DIP2C: variants seen among roughly 807,000 people sequenced by gnomAD.
The protein encoded by DIP2C is disco-interacting protein 2 homolog C.
Under a neutral mutation model 192.4 loss-of-function variants are expected in DIP2C, and 33 were observed. That is an observed-to-expected ratio of 0.17 (90% CI 0.13 to 0.23). The LOEUF is 0.23. Ranked by LOEUF, DIP2C falls within the 10% of genes least tolerant of loss-of-function variation. The probability of loss-of-function intolerance (pLI) is 1.00; values close to 1 mark genes in which losing one functional copy is unlikely to be tolerated. For missense variants in DIP2C, 1,537 were observed against 2,110.1 expected (o/e 0.73, Z 5.32); for synonymous variants, 979 against 864.1 (o/e 1.13, Z -2.33).
At chr10:495,244 G>A (rs1201543940) in intron 1 of DIP2C, among the ~76,000 whole-genome samples, 1 of 152,102 alleles carries the variant, frequency 6.6e-6, no homozygotes, top group African/African-American at 2.4e-5. Flanking sequence ...GGGAGATGCT[G>A]GTCAAGGGCA....
chr10:484,518 A>C (rs992183164), intron 2 of DIP2C, among the ~76,000 whole-genome samples: 2 of 152,190 alleles, frequency 1.3e-5, no homozygotes, highest in Admixed American at 1.3e-4. Context: ...AGTGTTTTCT[A>C]AGTGGTGCCC....
intron 32 of DIP2C, among the ~76,000 whole-genome samples, chr10:292,605 C>T (rs913484524): frequency 6.6e-6 from 1 of 152,312 alleles, no homozygotes; most frequent in African/African-American, 2.4e-5. Flanking sequence ...CTGATGGCGC[C>T]GTGCAACCGA....
At chr10:471,349 G>T (rs930190694) in intron 3 of DIP2C, among the ~76,000 whole-genome samples, 3 of 152,144 alleles carry the variant, frequency 2.0e-5, no homozygotes, top group Admixed American at 6.5e-5. Flanking sequence ...CTAATCACAT[G>T]AGCCTGCATG....
chr10:390,707 G>A (rs1345123642), intron 11 of DIP2C, 33 bp downstream of exon 11: 4 of 1,604,232 alleles, frequency 2.5e-6, no homozygotes, highest in Non-Finnish European at 3.4e-6. Context: ...AAAGGACGTG[G>A]GCATGCGAGC....
chr10:306,142 C>T lies in DIP2C; in HGVS notation c.3986+3889G>A, dbSNP rs149350862. Among the ~76,000 whole-genome samples the T allele has an allele frequency of 2.6e-3, 403 of 152,116 alleles. 3 individuals are homozygous for T. The highest frequency in any genetic ancestry group is 9.2e-3 in the African/African-American group (381 of 41,486). Reference sequence around the variant, plus strand: ...TTGAACAGTCACTTGCAAATAGTCTCAACACAATTTCATCATTTCCTTCCT... The same window carrying T: ...TTGAACAGTCACTTGCAAATAGTCTTAACACAATTTCATCATTTCCTTCCT... On this transcript the variant is annotated intron_variant, in intron 32 of 36. Transcript: ENST00000280886.
intron 1 of DIP2C, among the ~76,000 whole-genome samples, chr10:514,204 C>G (rs12770258): frequency 0.068 from 9,567 of 141,456 alleles, 409 homozygotes; most frequent in Non-Finnish European, 0.094. Context: ...GAACCACCCC[C>G]CTTCCTTGGG....
intron 19 of DIP2C, 24 bp from the exon 20 acceptor site, chr10:364,606 G>A (rs1298378682): frequency 6.2e-7 from 1 of 1,608,370 alleles, no homozygotes. Context: ...CATCCATCAG[G>A]CCACTGTTCA....
At chr10:606,644 ACT>A (rs1564259943) in intron 1 of DIP2C, among the ~76,000 whole-genome samples, 5 of 151,692 alleles carry the variant, frequency 3.3e-5, no homozygotes, top group African/African-American at 9.7e-5. Flanking sequence ...TCATGGCCCC[ACT>A]GCTGTAATTA....
chr10:592,346 T>C (rs993595595), intron 1 of DIP2C, among the ~76,000 whole-genome samples: 5 of 152,154 alleles, frequency 3.3e-5, no homozygotes, highest in Admixed American at 2.6e-4. Flanking sequence ...ATCACCACAT[T>C]ATCTTCTACA....
chr10:338,759 C>A (rs1957995535), intron 29 of DIP2C, among the ~76,000 whole-genome samples: 1 of 152,156 alleles, frequency 6.6e-6, no homozygotes, highest in African/African-American at 2.4e-5. Context: ...CCACGCTGCA[C>A]CCTGCCTGGC....
intron 1 of DIP2C, among the ~76,000 whole-genome samples, chr10:612,336 T>C (rs1021562100): frequency 1.3e-5 from 2 of 151,914 alleles, no homozygotes; most frequent in African/African-American, 4.8e-5. Context: ...TCTTCACCGA[T>C]GTCAAATATA....
chr10:419,112 C>T lies in DIP2C; in HGVS notation c.692G>A (p.Arg231Gln), dbSNP rs756894472. ...VERPQGSTGS[R>Q]TAPKYGNAEL... ...GGCGTTGCCGTACTTGGGCGCTGTC[C>T]GGGACCCCGTGGAACCCTGCGGTCT... Residue 231 changes from arginine to glutamine, a missense_variant, in exon 6 of 37, where the codon CGG (arginine) becomes CAG (glutamine). Around this residue, in one of 4 missense-constraint regions of DIP2C, gnomAD observed 473 missense variants for 539.6 expected, o/e 0.88. Transcript: ENST00000280886. 31 of 1,614,150 alleles carry T rather than the reference C, an allele frequency of 1.9e-5. No homozygotes were observed. Among genetic ancestry groups the T allele is most frequent in the African/African-American group, 2.7e-5 (2 of 74,952 alleles).
At chr10:360,032 GTT>G (rs1959254824) in intron 22 of DIP2C, among the ~76,000 whole-genome samples, 1 of 152,208 alleles carries the variant, frequency 6.6e-6, no homozygotes, top group South Asian at 2.1e-4. Context: ...TTCCCGTAAT[GTT>G]TTTAAGAATT....
At chr10:479,665 T>G (rs567809247) in intron 2 of DIP2C, among the ~76,000 whole-genome samples, 1 of 152,284 alleles carries the variant, frequency 6.6e-6, no homozygotes, top group South Asian at 2.1e-4. Context: ...CCATCTTTCA[T>G]GAGCCCAAAT....
intron 10 of DIP2C, among the ~76,000 whole-genome samples, chr10:398,239 T>C (rs574323508): frequency 3.3e-5 from 5 of 152,236 alleles, no homozygotes; most frequent in Non-Finnish European, 7.4e-5. Flanking sequence ...TTTACACCTA[T>C]TCTCTCTGAA....
chr10:310,465 C>G (rs1466957269), intron 31 of DIP2C, among the ~76,000 whole-genome samples: 2 of 152,164 alleles, frequency 1.3e-5, no homozygotes, highest in African/African-American at 2.4e-5. Flanking sequence ...CCACATGCAT[C>G]CACCTTTAAC....
chr10:443,718 A>G (rs533000911), intron 3 of DIP2C, among the ~76,000 whole-genome samples: 1 of 152,320 alleles, frequency 6.6e-6, no homozygotes, highest in Non-Finnish European at 1.5e-5. Flanking sequence ...CTTGCCAAAA[A>G]AGAAACCTGG....
At chr10:395,974 A>T (rs1963957328) in intron 10 of DIP2C, among the ~76,000 whole-genome samples, 1 of 151,478 alleles carries the variant, frequency 6.6e-6, no homozygotes, top group Non-Finnish European at 1.5e-5. Context: ...CCTCATCCCC[A>T]TGTGGACCCT....
chr10:491,875 C>T lies in DIP2C; in HGVS notation c.86-5345G>A, dbSNP rs183384594. The stretch of plus-strand genomic sequence containing the variant: ...CACCCTGCAGGGCCACAGGTATCGC[C>T]CCGTCAGGGGAGGGAGGCAAAGAAG... On this transcript the variant is annotated intron_variant, in intron 1 of 36. Coordinates refer to ENST00000280886, the MANE Select transcript of DIP2C (RefSeq NM_014974.3). Among the ~76,000 whole-genome samples the T allele has an allele frequency of 2.0e-5, 3 of 152,306 alleles. No individual in the cohort carries two copies. The East Asian group carries it at 5.8e-4, about 29-fold the overall frequency.
Sources: allele counts gnomAD v4.1 joint callset (sites outside exome capture counted in the v4.1 genomes callset), GRCh38; gene constraint gnomAD v4.1.1; regional missense constraint gnomAD v4.1.1; transcripts MANE v1.5; gene names NCBI Gene and HGNC (gene_info 2026-07-23, HGNC 2026-07-21).